Variants in ARMH4 observed in about 807,000 individuals in gnomAD.
ARMH4 encodes armadillo like helical domain containing 4.
Under a neutral mutation model 61.9 loss-of-function variants are expected in ARMH4, and 49 were observed. The ratio of observed to expected loss-of-function variants is 0.79; its 90% confidence interval spans 0.63 to 1.00. The LOEUF is 1.00. ARMH4 is among the 50% of genes least tolerant of loss of function. The probability of loss-of-function intolerance (pLI) is 0.00; values close to 1 mark genes in which losing one functional copy is unlikely to be tolerated. For missense variants in ARMH4, 934 were observed against 930.0 expected (o/e 1.00, Z -0.06); for synonymous variants, 368 against 341.5 (o/e 1.08, Z -0.85).
Position 58,131,509 on chromosome 14 carries a change from T to C in ARMH4, c.1831+3A>G. 6.2e-7 allele frequency: 1 copy of C among 1,611,604 alleles called. No homozygotes were observed. The highest frequency in any genetic ancestry group is 2.2e-5 in the East Asian group (1 of 44,872). ...GAAAAGATCCCCTTCAAAGCATGAA[T>C]ACCTTCAGATTCAAGTTGGTCCAGG... On this transcript the variant is annotated splice_donor_region_variant and intron_variant, in intron 4 of 7. Coordinates refer to ENST00000267485, the MANE Select transcript of ARMH4 (RefSeq NM_001001872.4).
chr14:58,057,282 C>T (rs1046734423), intron 5 of ARMH4, among the ~76,000 whole-genome samples: 2 of 152,214 alleles, frequency 1.3e-5, no homozygotes, highest in Non-Finnish European at 2.9e-5. Flanking sequence ...TTTGACCTGG[C>T]TCAGTGCCTT....
intron 5 of ARMH4, among the ~76,000 whole-genome samples, chr14:58,058,333 CT>C (rs536195749): frequency 8.6e-5 from 13 of 151,002 alleles, no homozygotes; most frequent in African/African-American, 1.9e-4. Context: ...GTAGAGATAC[CT>C]TTTTTTTTAA....
intron 5 of ARMH4, among the ~76,000 whole-genome samples, chr14:58,048,358 T>C (rs1445120465): frequency 1.3e-5 from 2 of 152,226 alleles, no homozygotes; most frequent in African/African-American, 4.8e-5. Context: ...CAATCACAGA[T>C]GAAGCAAAAA....
intron 4 of ARMH4, among the ~76,000 whole-genome samples, chr14:58,100,365 G>A (rs991327234): frequency 2.0e-5 from 3 of 152,170 alleles, no homozygotes; most frequent in Non-Finnish European, 2.9e-5. Context: ...CTGTTAAGAT[G>A]GTTGTGAGTT....
chr14:58,141,351 G>GA, intron 1 of ARMH4: 1 of 499,572 alleles, frequency 2.0e-6, no homozygotes, highest in Non-Finnish European at 4.0e-6. Flanking sequence ...ACACCATTTA[G>GA]AATGTCAAAA....
intron 5 of ARMH4, among the ~76,000 whole-genome samples, chr14:58,014,274 G>C (rs912704545): frequency 6.6e-6 from 1 of 152,130 alleles, no homozygotes; most frequent in Non-Finnish European, 1.5e-5. Context: ...AAGGGATTCA[G>C]ACAAAGACGG....
At chr14:58,011,766 A>AG in intron 6 of ARMH4, among the ~76,000 whole-genome samples, 1 of 70,846 alleles carries the variant, frequency 1.4e-5, no homozygotes, top group East Asian at 4.7e-4. Context: ...CTCATATTAG[A>AG]AAAAAAAAAA....
intron 5 of ARMH4, among the ~76,000 whole-genome samples, chr14:58,069,665 A>T (rs1358066491): frequency 6.6e-6 from 1 of 152,198 alleles, no homozygotes; most frequent in Non-Finnish European, 1.5e-5. Flanking sequence ...GAGAAGAGGC[A>T]TTCAAAGGTA....
chr14:58,044,489 T>C (rs1178519780), intron 5 of ARMH4, among the ~76,000 whole-genome samples: 1 of 152,192 alleles, frequency 6.6e-6, no homozygotes, highest in Non-Finnish European at 1.5e-5. Flanking sequence ...GACTTAAATG[T>C]TAAACCTAAA....
At chr14:58,131,411 C>T (rs2139956422) in intron 4 of ARMH4, 101 bp downstream of exon 4, 2 of 942,510 alleles carry the variant, frequency 2.1e-6, no homozygotes, top group East Asian at 2.6e-5. Flanking sequence ...CTGATCTATA[C>T]TGCAGATTGA....
Position 58,091,496 on chromosome 14 carries a change from A to C in ARMH4, c.2089+5228T>G, listed in dbSNP as rs1885563448. On this transcript the variant is annotated intron_variant, in intron 5 of 7. Coordinates refer to ENST00000267485, the MANE Select transcript of ARMH4 (RefSeq NM_001001872.4). ...ATTTCTTCATTCTATAAACCAATTT[A>C]AGTTAGGATTTCTATAATCTATAAC... 2.0e-5 allele frequency among the ~76,000 whole-genome samples: 3 copies of C among 152,218 alleles called. No homozygotes were observed. In the South Asian group the frequency reaches 6.2e-4, roughly 32 times the overall value.
chr14:58,052,232 C>T (rs964410347), intron 5 of ARMH4, among the ~76,000 whole-genome samples: 5 of 152,158 alleles, frequency 3.3e-5, no homozygotes, highest in African/African-American at 1.2e-4. Flanking sequence ...GCCCCTGTTC[C>T]TCTTATTCTC....
intron 5 of ARMH4, among the ~76,000 whole-genome samples, chr14:58,086,463 C>T (rs1016126150): frequency 6.6e-6 from 1 of 152,092 alleles, no homozygotes; most frequent in Non-Finnish European, 1.5e-5. Flanking sequence ...CATATGATAG[C>T]TAAGCTTAGT....
intron 4 of ARMH4, among the ~76,000 whole-genome samples, chr14:58,126,445 C>G (rs1434264502): frequency 1.3e-5 from 2 of 152,180 alleles, no homozygotes; most frequent in African/African-American, 4.8e-5. Flanking sequence ...TTAAGAGACA[C>G]TGCAAATAAA....
chr14:58,091,376 G>A (rs1480250271), intron 5 of ARMH4, among the ~76,000 whole-genome samples: 2 of 152,124 alleles, frequency 1.3e-5, no homozygotes, highest in Non-Finnish European at 2.9e-5. Context: ...GAGCAAAATG[G>A]GAAAAACTTG....
intron 5 of ARMH4, among the ~76,000 whole-genome samples, chr14:58,060,138 T>C (rs1884481322): frequency 6.6e-6 from 1 of 152,236 alleles, no homozygotes; most frequent in African/African-American, 2.4e-5. Flanking sequence ...ATCTTATTAA[T>C]ATGATCACAA....
At chr14:58,141,107 T>A (rs183250591) in intron 1 of ARMH4, among the ~76,000 whole-genome samples, 12 of 152,304 alleles carry the variant, frequency 7.9e-5, no homozygotes, top group African/African-American at 2.9e-4. Context: ...TATACTTTGT[T>A]ATAGCAGCCC....
chr14:58,152,012 C>T (rs1444793590), intron 1 of ARMH4, 63 bp downstream of exon 1: 1 of 152,512 alleles, frequency 6.6e-6, no homozygotes, highest in Admixed American at 6.5e-5. Flanking sequence ...GGTTCCGTCC[C>T]TGCCCCGGCG....
intron 5 of ARMH4, among the ~76,000 whole-genome samples, chr14:58,016,288 TATGAAAATAA>T (rs1882610588): frequency 6.6e-6 from 1 of 152,180 alleles, no homozygotes; most frequent in African/African-American, 2.4e-5. Flanking sequence ...TAGAGTATTA[TATGAAAATAA>T]AATTATTTTT....
Sources: allele counts gnomAD v4.1 joint callset (sites outside exome capture counted in the v4.1 genomes callset), GRCh38; gene constraint gnomAD v4.1.1; transcripts MANE v1.5; gene names NCBI Gene and HGNC (gene_info 2026-07-23, HGNC 2026-07-21).